Variants in TRMT9B observed in about 807,000 individuals in gnomAD.
The protein encoded by TRMT9B is probable tRNA methyltransferase 9B.
In TRMT9B, 16 loss-of-function variants were observed where a neutral mutation model predicts 11.5. That is an observed-to-expected ratio of 1.39 (90% CI 0.94 to 2.11). The LOEUF (loss-of-function observed/expected upper bound fraction) is 2.11. Ranked by LOEUF, TRMT9B falls within the 30% of genes most tolerant of loss-of-function variation. TRMT9B has a pLI of 0.00. For missense variants in TRMT9B, 941 were observed against 553.8 expected (o/e 1.70, Z -7.02); for synonymous variants, 274 against 192.4 (o/e 1.42, Z -3.51).
rs962350989 is a variant in TRMT9B, at chr8:13,026,060, A to C, written c.*4016A>C. 6.0e-6 allele frequency: 1 copy of C among 167,056 alleles called. No homozygotes were observed. Among genetic ancestry groups the C allele is most frequent in the African/African-American group, 2.4e-5 (1 of 41,442 alleles). The allele number at this position is 167,056 out of a possible 1,614,324, so 10.3% of individuals were successfully genotyped here. A position where few individuals can be genotyped will look rare whatever the true frequency, so the allele number is the denominator to read the frequency against. ...AGGAGAACAGAAGTTCTAACTCAGT[A>C]CTTGAACTTGGTGGGGGAGGGCACA... On this transcript the variant is annotated 3_prime_UTR_variant, in exon 5 of 5. Transcript: ENST00000524591.
At chr8:13,007,435 T>C (rs925722484) in intron 3 of TRMT9B, 3 of 152,216 alleles carry the variant, frequency 2.0e-5, no homozygotes, top group African/African-American at 7.2e-5. Context: ...TTCTAGCAAT[T>C]GCATGCTGAC....
intron 1 of TRMT9B, chr8:12,951,467 A>C (rs75667117): frequency 0.027 from 4,047 of 152,370 alleles, 80 homozygotes; most frequent in South Asian, 0.072. Flanking sequence ...CGAGAGAGGC[A>C]GGCAACAAGG....
At chr8:13,014,790 C>T (rs538619014) in intron 4 of TRMT9B, among the ~76,000 whole-genome samples, 14 of 152,200 alleles carry the variant, frequency 9.2e-5, no homozygotes, top group Admixed American at 8.5e-4. Flanking sequence ...GGGCCGGGCG[C>T]GGTGACTCAG....
chr8:13,022,061 A>G lies in TRMT9B; in HGVS notation c.*17A>G, dbSNP rs746016728. On this transcript the variant is annotated 3_prime_UTR_variant, in exon 5 of 5. Transcript: ENST00000524591. ...TGTGATTGATTGGATCCTTTTAGACAACTCCTCCAAAAGATGAACCACATT... is the reference window on the plus strand; with the variant it reads ...TGTGATTGATTGGATCCTTTTAGACGACTCCTCCAAAAGATGAACCACATT... 7 of 1,502,284 alleles carry G rather than the reference A, an allele frequency of 4.7e-6. No homozygotes were observed. In the African/African-American group the frequency reaches 8.4e-5, roughly 18 times the overall value. 93.1% of individuals were successfully genotyped at this position (1,502,284 alleles called of 1,614,324 possible).
chr8:13,003,522 G>C (rs1402439631), intron 2 of TRMT9B, among the ~76,000 whole-genome samples: 4 of 152,094 alleles, frequency 2.6e-5, no homozygotes, highest in Non-Finnish European at 5.9e-5. Context: ...CCCTGGATGA[G>C]AGGGAATGTG....
At position 13,021,343 on chromosome 8, in the gene TRMT9B, G is replaced by T. The variant is rs759706663; in HGVS notation, c.664G>T (p.Ala222Ser). 4.3e-6 allele frequency: 7 copies of T among 1,614,042 alleles called. No individual in the cohort carries two copies. Among genetic ancestry groups the T allele is most frequent in the Non-Finnish European group, 5.9e-6 (7 of 1,179,880 alleles). Residue 222 changes from alanine to serine, a missense_variant, in exon 5 of 5, where the codon GCA becomes TCA. Ala to Ser is a moderately conservative substitution (Grantham distance 99). Coordinates refer to ENST00000524591, the MANE Select transcript of TRMT9B (RefSeq NM_020844.3). Reference sequence around the variant, plus strand: ...CAGCGTGGGCTATGAACCTGCTATGGCAAGAACCTGTTTTGCAAATATTTC... The same window carrying T: ...CAGCGTGGGCTATGAACCTGCTATGTCAAGAACCTGTTTTGCAAATATTTC... ...SHSVGYEPAM[A>S]RTCFANISKE...
At chr8:12,966,782 C>T (rs1008931153) in intron 1 of TRMT9B, among the ~76,000 whole-genome samples, 1 of 152,140 alleles carries the variant, frequency 6.6e-6, no homozygotes, top group African/African-American at 2.4e-5. Context: ...GGGAACCATC[C>T]TGTTCAAGAT....
chr8:13,010,437 G>A, intron 3 of TRMT9B: 1 of 985,168 alleles, frequency 1.0e-6, no homozygotes, highest in Non-Finnish European at 1.2e-6. Flanking sequence ...CTGTTGCTAG[G>A]TTTTTCCACT....
chr8:12,984,004 C>A (rs556591796), intron 1 of TRMT9B, among the ~76,000 whole-genome samples: 1 of 152,252 alleles, frequency 6.6e-6, no homozygotes, highest in African/African-American at 2.4e-5. Flanking sequence ...TTATCAGAAG[C>A]ATATAAATTT....
At position 13,026,852 on chromosome 8, in the gene TRMT9B, T is replaced by G. The variant is rs1814748863; in HGVS notation, c.*4808T>G. On this transcript the variant is annotated 3_prime_UTR_variant, in exon 5 of 5. Transcript: ENST00000524591. ...GAGTATTAGAGCCTTTCAAGGTAAG[T>G]GTGATTATCCCCTTTCCAAATGAGC... 1 of 167,064 alleles carries G rather than the reference T, an allele frequency of 6.0e-6. No homozygotes were observed. Among genetic ancestry groups the G allele is most frequent in the Non-Finnish European group, 1.5e-5 (1 of 68,120 alleles). 10.3% of individuals were successfully genotyped at this position (167,064 alleles called of 1,614,324 possible). A position where few individuals can be genotyped will look rare whatever the true frequency, so the allele number is the denominator to read the frequency against.
chr8:13,005,522 A>G (rs1167680362), intron 2 of TRMT9B, among the ~76,000 whole-genome samples: 1 of 152,196 alleles, frequency 6.6e-6, no homozygotes, highest in Non-Finnish European at 1.5e-5. Flanking sequence ...GCATGCCTGT[A>G]TCAAAACATC....
At chr8:12,977,529 C>T (rs978136566) in intron 1 of TRMT9B, among the ~76,000 whole-genome samples, 3 of 152,048 alleles carry the variant, frequency 2.0e-5, no homozygotes, top group African/African-American at 7.2e-5. Flanking sequence ...GATGAAACCC[C>T]ATCTCTACTA....
intron 1 of TRMT9B, among the ~76,000 whole-genome samples, chr8:12,947,736 C>T (rs578084388): frequency 6.6e-6 from 1 of 152,326 alleles, no homozygotes; most frequent in Admixed American, 6.5e-5. Flanking sequence ...ACTTAAGAGA[C>T]TTCAGGTGTG....
intron 1 of TRMT9B, among the ~76,000 whole-genome samples, chr8:12,962,586 G>A (rs1802276249): frequency 6.6e-6 from 1 of 152,126 alleles, no homozygotes; most frequent in African/African-American, 2.4e-5. Context: ...TGCCTCCTGG[G>A]TTCAAGCGAT....
chr8:13,007,435 T>G (rs925722484), intron 3 of TRMT9B: 2 of 152,216 alleles, frequency 1.3e-5, no homozygotes, highest in African/African-American at 4.8e-5. Flanking sequence ...TTCTAGCAAT[T>G]GCATGCTGAC....
chr8:13,017,527 A>G (rs1375215133), intron 4 of TRMT9B, among the ~76,000 whole-genome samples: 2 of 152,052 alleles, frequency 1.3e-5, no homozygotes, highest in Non-Finnish European at 2.9e-5. Context: ...TTCCCATTTT[A>G]GATACATTTA....
At position 13,022,792 on chromosome 8, in the gene TRMT9B, G is replaced by A. The variant is rs534699395; in HGVS notation, c.*748G>A. 3.6e-5 allele frequency: 6 copies of A among 166,024 alleles called. No individual in the cohort carries two copies. The East Asian group carries it at 5.8e-4, about 16-fold the overall frequency. The allele number at this position is 166,024 out of a possible 1,614,324, so 10.3% of individuals were successfully genotyped here. On this transcript the variant is annotated 3_prime_UTR_variant, in exon 5 of 5. Transcript: ENST00000524591. ...GGATCACTTGAACCCAGGAGTTCAA[G>A]AATAGCCTGGGCAACATAGCAAGAC...
chr8:13,005,022 G>A (rs1456206463), intron 2 of TRMT9B, among the ~76,000 whole-genome samples: 2 of 150,364 alleles, frequency 1.3e-5, no homozygotes, highest in African/African-American at 4.9e-5. Flanking sequence ...TGCTACAGAG[G>A]TTACACTGAG....
Position 13,027,880 on chromosome 8 carries a change from G to A in TRMT9B, c.*5836G>A, listed in dbSNP as rs12545748. 48,043 of 166,828 alleles carry A rather than the reference G, an allele frequency of 0.29. 7,604 individuals are homozygous for A. The highest frequency in any genetic ancestry group is 0.59 in the East Asian group (3,044 of 5,142). 10.3% of individuals were successfully genotyped at this position (166,828 alleles called of 1,614,324 possible). A position where few individuals can be genotyped will look rare whatever the true frequency, so the allele number is the denominator to read the frequency against. ...TGTTCCAATCTTAACTCAAAATTAT[G>A]ATTATTTTGATTATTTAATGATTGT... On this transcript the variant is annotated 3_prime_UTR_variant, in exon 5 of 5. Coordinates refer to ENST00000524591, the MANE Select transcript of TRMT9B (RefSeq NM_020844.3).
Sources: allele counts gnomAD v4.1 joint callset (sites outside exome capture counted in the v4.1 genomes callset), GRCh38; gene constraint gnomAD v4.1.1; transcripts MANE v1.5; gene names NCBI Gene and HGNC (gene_info 2026-07-23, HGNC 2026-07-21).